The following PRKG1 variants were observed in gnomAD, a reference collection of about 807,000 sequenced individuals.
The protein encoded by PRKG1 is protein kinase cGMP-dependent 1.
In PRKG1, 35 loss-of-function variants were observed where a neutral mutation model predicts 88.1. The observed-to-expected ratio is 0.40, with a 90% CI of 0.30 to 0.53. The LOEUF is 0.53. Ranked by LOEUF, PRKG1 falls within the 20% of genes least tolerant of loss-of-function variation. The pLI is 0.59. For missense variants in PRKG1, 540 were observed against 839.8 expected (o/e 0.64, Z 4.41); for synonymous variants, 303 against 292.5 (o/e 1.04, Z -0.37).
At chr10:51,707,498 G>A (rs745493628) in intron 3 of PRKG1, among the ~76,000 whole-genome samples, 2 of 152,128 alleles carry the variant, frequency 1.3e-5, no homozygotes, top group South Asian at 2.1e-4. Flanking sequence ...CCGAAGGAAC[G>A]CAGAAGTATC....
At chr10:52,160,813 T>C (rs565851537) in intron 8 of PRKG1, among the ~76,000 whole-genome samples, 1 of 152,190 alleles carries the variant, frequency 6.6e-6, no homozygotes, top group East Asian at 1.9e-4. Flanking sequence ...TCTTACAGTA[T>C]TTTAAAATTA....
At chr10:52,130,336 A>G (rs147947005) in intron 7 of PRKG1, among the ~76,000 whole-genome samples, 1 of 152,302 alleles carries the variant, frequency 6.6e-6, no homozygotes, top group Non-Finnish European at 1.5e-5. Context: ...ATACCAATGC[A>G]TCTTCTTTTT....
rs1013998432 is a variant in PRKG1 at position 51,366,103 on chromosome 10, T to C, written c.479-101620T>C. On this transcript the variant is annotated intron_variant, in intron 2 of 17. Transcript: ENST00000373980. Reference sequence around the variant, plus strand: ...TTGCGTTTGCATGAGGTAATTTTTTTATTTTTGGTCATCTCTTTGAAGTCT... The same window carrying C: ...TTGCGTTTGCATGAGGTAATTTTTTCATTTTTGGTCATCTCTTTGAAGTCT... Among the ~76,000 whole-genome samples, 15 of 152,086 alleles carry C rather than the reference T, an allele frequency of 9.9e-5. No individual in the cohort carries two copies. The South Asian group carries it at 3.1e-3, about 32-fold the overall frequency.
intron 3 of PRKG1, among the ~76,000 whole-genome samples, chr10:51,686,579 A>T (rs1840996707): frequency 6.6e-6 from 1 of 152,144 alleles, no homozygotes; most frequent in Admixed American, 6.6e-5. Context: ...CCAATCAAAG[A>T]TCCTATAAGC....
intron 2 of PRKG1, among the ~76,000 whole-genome samples, chr10:51,283,330 A>G (rs1840349781): frequency 6.6e-6 from 1 of 152,146 alleles, no homozygotes; most frequent in Non-Finnish European, 1.5e-5. Flanking sequence ...GTTTTTCCCA[A>G]TAAGGAAAAA....
At chr10:52,275,036 T>A (rs1395502546) in intron 12 of PRKG1, among the ~76,000 whole-genome samples, 1 of 152,218 alleles carries the variant, frequency 6.6e-6, no homozygotes, top group Non-Finnish European at 1.5e-5. Flanking sequence ...TTATTTGTTT[T>A]TTTCTTACTG....
chr10:51,067,814 C>A (rs1315119146), intron 1 of PRKG1, among the ~76,000 whole-genome samples: 3 of 152,096 alleles, frequency 2.0e-5, no homozygotes, highest in East Asian at 3.9e-4. Context: ...TTAGATATTG[C>A]TGCTTTGGGT....
intron 2 of PRKG1, among the ~76,000 whole-genome samples, chr10:51,218,417 C>T (rs751421320): frequency 3.4e-5 from 5 of 147,142 alleles, no homozygotes; most frequent in South Asian, 2.1e-4. Context: ...ATTTTCTCAT[C>T]GGTTTTTCCC....
intron 1 of PRKG1, among the ~76,000 whole-genome samples, chr10:51,068,266 C>G (rs905445521): frequency 6.6e-6 from 1 of 151,860 alleles, no homozygotes; most frequent in Admixed American, 6.6e-5. Flanking sequence ...ATTTACATGC[C>G]CATTAAGTTA....
chr10:51,328,799 T>C (rs1304094256), intron 2 of PRKG1, among the ~76,000 whole-genome samples: 2 of 152,218 alleles, frequency 1.3e-5, no homozygotes, highest in Non-Finnish European at 2.9e-5. Flanking sequence ...GTTGGCCATT[T>C]GTTTGTCTTA....
intron 3 of PRKG1, among the ~76,000 whole-genome samples, chr10:51,531,065 G>A (rs1186118520): frequency 6.6e-6 from 1 of 152,060 alleles, no homozygotes; most frequent in African/African-American, 2.4e-5. Flanking sequence ...GAAAAACATA[G>A]GTTAATAGCA....
At chr10:52,047,425 GAGA>G in intron 5 of PRKG1, among the ~76,000 whole-genome samples, 1 of 152,242 alleles carries the variant, frequency 6.6e-6, no homozygotes, top group Admixed American at 6.5e-5. Context: ...AGATCAGAGT[GAGA>G]AGAACTTCTG....
chr10:51,076,667 G>T (rs939835160), intron 1 of PRKG1, among the ~76,000 whole-genome samples: 4 of 152,158 alleles, frequency 2.6e-5, no homozygotes, highest in Non-Finnish European at 4.4e-5. Context: ...AGGCAGTAGG[G>T]AATGAGCTAT....
intron 2 of PRKG1, among the ~76,000 whole-genome samples, chr10:51,194,440 C>T (rs1837711195): frequency 6.6e-6 from 1 of 151,906 alleles, no homozygotes; most frequent in African/African-American, 2.4e-5. Context: ...TACCTGTGTC[C>T]ATGTGTTCTC....
intron 2 of PRKG1, among the ~76,000 whole-genome samples, chr10:51,392,883 ACGGGGCGGC>A (rs1366935571): frequency 2.6e-5 from 3 of 115,078 alleles, no homozygotes; most frequent in Non-Finnish European, 5.5e-5. Flanking sequence ...TCCCTCCCAG[ACGGGGCGGC>A]TGGCCGGGTG....
intron 9 of PRKG1, among the ~76,000 whole-genome samples, chr10:52,199,578 C>A (rs903853467): frequency 1.3e-5 from 2 of 152,138 alleles, no homozygotes; most frequent in African/African-American, 4.8e-5. Flanking sequence ...CATGCTGAGA[C>A]CTAACGCTTC....
chr10:51,125,551 G>A (rs1845374233), intron 1 of PRKG1, among the ~76,000 whole-genome samples: 1 of 149,188 alleles, frequency 6.7e-6, no homozygotes, highest in African/African-American at 2.4e-5. Flanking sequence ...GCATGATGGC[G>A]GGTGCCTGTA....
chr10:52,279,869 A>G (rs1841961830), intron 12 of PRKG1, among the ~76,000 whole-genome samples: 1 of 151,612 alleles, frequency 6.6e-6, no homozygotes, highest in South Asian at 2.1e-4. Context: ...CTCGGGAAAG[A>G]AAAAAAAAGT....
At chr10:52,023,646 T>C (rs1016931662) in intron 5 of PRKG1, among the ~76,000 whole-genome samples, 3 of 152,250 alleles carry the variant, frequency 2.0e-5, no homozygotes, top group Non-Finnish European at 4.4e-5. Context: ...TGGTTTTGAT[T>C]TGCATTTCTC....
Sources: allele counts gnomAD v4.1 joint callset (sites outside exome capture counted in the v4.1 genomes callset), GRCh38; gene constraint gnomAD v4.1.1; transcripts MANE v1.5; gene names NCBI Gene and HGNC (gene_info 2026-07-23, HGNC 2026-07-21).